The following KIAA1549L variants were observed in gnomAD, a reference collection of about 807,000 sequenced individuals.
KIAA1549L encodes KIAA1549 like, also known as UPF0606 protein KIAA1549L.
A neutral mutation model predicts 160.7 loss-of-function variants in KIAA1549L; 88 were observed. That is an observed-to-expected ratio of 0.55 (90% CI 0.46 to 0.65). The LOEUF is 0.65. Ranked by LOEUF, KIAA1549L falls within the 30% of genes least tolerant of loss-of-function variation. KIAA1549L has a pLI of 0.00. For missense variants in KIAA1549L, 2,258 were observed against 2,437.5 expected (o/e 0.93, Z 1.55); for synonymous variants, 950 against 976.7 (o/e 0.97, Z 0.51).
At position 33,649,923 on chromosome 11, in the gene KIAA1549L, T is replaced by A. The variant is rs150996348; in HGVS notation, c.5760+3887T>A. Among the ~76,000 whole-genome samples, 381 of 151,966 alleles carry A rather than the reference T, an allele frequency of 2.5e-3. 1 individual carries two copies. The highest frequency in any genetic ancestry group is 8.4e-3 in the African/African-American group (348 of 41,452). Reference sequence around the variant, plus strand: ...AGAAATGTTACATTTCTTGTGTTTCTCCAAATCAATTTGAATCTATTCTGA... The same window carrying A: ...AGAAATGTTACATTTCTTGTGTTTCACCAAATCAATTTGAATCTATTCTGA... On this transcript the variant is annotated intron_variant, in intron 17 of 20. Transcript: ENST00000658780.
intron 1 of KIAA1549L, among the ~76,000 whole-genome samples, chr11:33,423,085 G>A (rs1233756671): frequency 6.6e-6 from 1 of 152,164 alleles, no homozygotes; most frequent in Non-Finnish European, 1.5e-5. Flanking sequence ...TATTACATGT[G>A]AAAATATGCG....
At chr11:33,642,088 A>G (rs1851602032) in intron 16 of KIAA1549L, among the ~76,000 whole-genome samples, 1 of 152,160 alleles carries the variant, frequency 6.6e-6, no homozygotes, top group South Asian at 2.1e-4. Flanking sequence ...AGTAGATGTC[A>G]GATTCCCCCA....
intron 1 of KIAA1549L, among the ~76,000 whole-genome samples, chr11:33,505,180 A>G (rs1354962857): frequency 6.6e-6 from 1 of 152,208 alleles, no homozygotes; most frequent in Non-Finnish European, 1.5e-5. Flanking sequence ...CTTCTGTCAT[A>G]CATCCTCACA....
intron 8 of KIAA1549L, 109 bp downstream of exon 8, chr11:33,561,844 T>C: frequency 1.3e-6 from 1 of 789,888 alleles, no homozygotes; most frequent in Non-Finnish European, 2.1e-6. Context: ...TGCTCCTGTC[T>C]TATAAGTCAG....
At chr11:33,617,304 T>C (rs1850838672) in intron 15 of KIAA1549L, among the ~76,000 whole-genome samples, 1 of 152,198 alleles carries the variant, frequency 6.6e-6, no homozygotes, top group Admixed American at 6.5e-5. Flanking sequence ...CACCCCCACT[T>C]GTAAAATTAC....
chr11:33,528,234 G>A (rs1411208783), intron 1 of KIAA1549L, among the ~76,000 whole-genome samples: 1 of 152,086 alleles, frequency 6.6e-6, no homozygotes, highest in Non-Finnish European at 1.5e-5. Flanking sequence ...AAATGCTCAA[G>A]ATCACTAATT....
In KIAA1549L at chr11:33,543,135, C is replaced by A. The variant is rs1313385382; in HGVS notation, c.1572C>A (p.Pro524=). ...CCCCATCTCCTGTGCCAGAAATGCC[C>A]ACTCTTCCAGCAGAGGGCAGTGATG... ...HASPSPVPEM[P]TLPAEGSDGS... The change falls in exon 2 of 21, where the codon CCC becomes CCA. Residue 524 remains proline (P), a synonymous_variant. Transcript: ENST00000658780. The A allele has an allele frequency of 1.2e-6, 2 of 1,613,764 alleles. No homozygotes were observed. The highest frequency in any genetic ancestry group is 1.7e-5 in the Admixed American group (1 of 60,002).
intron 1 of KIAA1549L, among the ~76,000 whole-genome samples, chr11:33,381,736 G>C (rs1352884723): frequency 2.0e-5 from 3 of 152,198 alleles, no homozygotes; most frequent in African/African-American, 7.2e-5. Context: ...GAAGGAAGCT[G>C]TTATTGAAAT....
chr11:33,396,820 C>T (rs891768595), intron 1 of KIAA1549L, among the ~76,000 whole-genome samples: 18 of 151,946 alleles, frequency 1.2e-4, no homozygotes, highest in African/African-American at 4.1e-4. Context: ...CATGGTGGTG[C>T]ACACCTGTAG....
chr11:33,424,221 T>A (rs1477544561), intron 1 of KIAA1549L, among the ~76,000 whole-genome samples: 1 of 152,124 alleles, frequency 6.6e-6, no homozygotes, highest in Non-Finnish European at 1.5e-5. Flanking sequence ...GCAGTTTGCT[T>A]ATTGACTTTC....
chr11:33,630,436 C>T (rs137970421), intron 16 of KIAA1549L, among the ~76,000 whole-genome samples: 5,012 of 152,340 alleles, frequency 0.033, 203 homozygotes, highest in East Asian at 0.19. Flanking sequence ...AGCGAGACTC[C>T]GTGGGCGTAG....
chr11:33,599,035 A>T, intron 13 of KIAA1549L, 88 bp downstream of exon 13: 1 of 1,455,566 alleles, frequency 6.9e-7, no homozygotes, highest in South Asian at 1.2e-5. Context: ...ACAAACTCAC[A>T]CACAGCCACT....
chr11:33,436,483 G>A (rs992402796), intron 1 of KIAA1549L, among the ~76,000 whole-genome samples: 2 of 152,190 alleles, frequency 1.3e-5, no homozygotes, highest in African/African-American at 4.8e-5. Flanking sequence ...GCCCCTGCTG[G>A]GGGAGGGCAG....
chr11:33,522,125 A>G (rs1474017259), intron 1 of KIAA1549L, among the ~76,000 whole-genome samples: 5 of 152,236 alleles, frequency 3.3e-5, no homozygotes, highest in South Asian at 4.1e-4. Context: ...ATTATTTGCT[A>G]TAAACATATT....
chr11:33,507,524 C>T (rs1216620497), intron 1 of KIAA1549L, among the ~76,000 whole-genome samples: 2 of 152,150 alleles, frequency 1.3e-5, no homozygotes, highest in Non-Finnish European at 1.5e-5. Flanking sequence ...AAAGTCCTGG[C>T]AGGGAAGTCA....
At chr11:33,431,874 C>T (rs1851252326) in intron 1 of KIAA1549L, among the ~76,000 whole-genome samples, 1 of 152,240 alleles carries the variant, frequency 6.6e-6, no homozygotes, top group Non-Finnish European at 1.5e-5. Flanking sequence ...GGGCTGCAGT[C>T]CCAAGGACTG....
intron 1 of KIAA1549L, among the ~76,000 whole-genome samples, chr11:33,518,243 C>G (rs1171833888): frequency 6.9e-6 from 1 of 143,890 alleles, no homozygotes; most frequent in Non-Finnish European, 1.5e-5. Context: ...GAAAAAATTT[C>G]TTGTTTTAAA....
At chr11:33,408,937 G>T (rs373691087) in intron 1 of KIAA1549L, among the ~76,000 whole-genome samples, 2 of 118,532 alleles carry the variant, frequency 1.7e-5, no homozygotes, top group Non-Finnish European at 1.7e-5. Context: ...GTGACAGAGC[G>T]CGACTCCATC....
chr11:33,616,730 A>G (rs1468050001), intron 15 of KIAA1549L, among the ~76,000 whole-genome samples: 1 of 152,212 alleles, frequency 6.6e-6, no homozygotes, highest in African/African-American at 2.4e-5. Context: ...TCTATGAAAA[A>G]AAATGTGTAA....
Sources: gnomAD v4.1 joint callset for allele counts (sites outside exome capture counted in the v4.1 genomes callset) on GRCh38, gnomAD v4.1.1 for gene constraint, MANE v1.5 for transcripts, NCBI Gene and HGNC (gene_info 2026-07-23, HGNC 2026-07-21) for gene names.